Variants in FCER2 observed in about 807,000 individuals in gnomAD.
The protein encoded by FCER2 is low affinity immunoglobulin epsilon Fc receptor.
A neutral mutation model predicts 49.7 loss-of-function variants in FCER2; 38 were observed. The observed-to-expected ratio is 0.76, with a 90% confidence interval of 0.59 to 1.00. FCER2 has a LOEUF of 1.00. Among genes scored for constraint, FCER2 ranks in the 50% least tolerant of loss-of-function variants. FCER2 has a pLI of 0.00. For synonymous variants in FCER2, 163 were observed against 164.6 expected, an observed-to-expected ratio of 0.99 and a Z score of 0.07; for missense variants, 425 against 419.5, an observed-to-expected ratio of 1.01 and a Z score of -0.11.
chr19:7,699,708 T>C (rs755116276), intron 2 of FCER2, 31 bp downstream of exon 2: 1 of 1,610,020 alleles, frequency 6.2e-7, no homozygotes, highest in East Asian at 2.2e-5. Context: ...TCATTGCTTC[T>C]GCCAACGTTA....
intron 8 of FCER2, among the ~76,000 whole-genome samples, chr19:7,695,046 G>A (rs927982375): frequency 2.0e-4 from 31 of 152,076 alleles, no homozygotes; most frequent in African/African-American, 7.5e-4. Flanking sequence ...GTGTTGCCTA[G>A]GCTGGTCTCA....
At chr19:7,696,623 G>A (rs562448227) in intron 8 of FCER2, 200 of 588,084 alleles carry the variant, frequency 3.4e-4, no homozygotes, top group African/African-American at 3.3e-3. Flanking sequence ...TCCTATTTCC[G>A]TCATCACGCA....
intron 1 of FCER2, among the ~76,000 whole-genome samples, chr19:7,700,999 A>G (rs182223172): frequency 3.9e-5 from 6 of 152,024 alleles, no homozygotes; most frequent in African/African-American, 1.4e-4. Context: ...TAGTAGAGAC[A>G]GGGTTTCACC....
At chr19:7,692,477 AACC>A (rs1208364055) in intron 8 of FCER2, among the ~76,000 whole-genome samples, 1 of 151,982 alleles carries the variant, frequency 6.6e-6, no homozygotes, top group African/African-American at 2.4e-5. Context: ...TCAACACATC[AACC>A]ACCAACACCA....
chr19:7,698,370 C>G lies in FCER2; in HGVS notation c.176G>C (p.Arg59Thr). ...TTQSLKQLEE[R>T]AARNVSQVSK... ...CCCCTTCATACCGTTCCGGGCAGCC[C>G]TCTCTTCCAGCTGTTTTAGACTCTG... The change falls in exon 4 of 11, where the codon AGG (arginine) becomes ACG (threonine). Residue 59 changes from arginine (R) to threonine (T), a missense_variant. By Grantham distance (71) the Arg-to-Thr change is moderately conservative (BLOSUM62 -1). Coordinates refer to ENST00000597921, the MANE Select transcript of FCER2 (RefSeq NM_001220500.2). 1 of 1,612,536 alleles carries G rather than the reference C, an allele frequency of 6.2e-7. No individual in the cohort carries two copies.
intron 2 of FCER2, chr19:7,699,518 G>A: frequency 1.4e-6 from 2 of 1,403,694 alleles, no homozygotes; most frequent in Non-Finnish European, 1.9e-6. Flanking sequence ...TCAGGAGGGT[G>A]TTGAATCAGA....
rs1438109191 is a variant in FCER2 at position 7,690,476 on chromosome 19, C to A, written c.551G>T (p.Trp184Leu). The A allele has an allele frequency of 1.8e-5, 29 of 1,614,052 alleles. No homozygotes were observed. Among genetic ancestry groups the A allele is most frequent in the Non-Finnish European group, 2.4e-5 (28 of 1,180,008 alleles). Residue 184 changes from tryptophan (W) to leucine (L), a missense_variant, in exon 9 of 11, where the codon TGG becomes TTG. Transcript: ENST00000597921. Reference sequence around the variant, plus strand: ...GTCACAGGCATACCGGGCGTGGACCCACTGCTTGGTGCCCTTGCCGAAGTA... The same window carrying A: ...GTCACAGGCATACCGGGCGTGGACCAACTGCTTGGTGCCCTTGCCGAAGTA... ...CYYFGKGTKQ[W>L]VHARYACDDM...
chr19:7,694,905 G>C (rs2146274749), intron 8 of FCER2, among the ~76,000 whole-genome samples: 1 of 152,176 alleles, frequency 6.6e-6, no homozygotes, highest in African/African-American at 2.4e-5. Flanking sequence ...CTCAATCCTA[G>C]CTCACCGCAG....
At position 7,690,577 on chromosome 19, in the gene FCER2, C is replaced by T. The variant is rs370558495; in HGVS notation, c.470-20G>A. 14 of 1,610,820 alleles carry T rather than the reference C, an allele frequency of 8.7e-6. No individual in the cohort carries two copies. The highest frequency in any genetic ancestry group is 1.1e-5 in the South Asian group (1 of 90,702). ...CAAAGCCTGGGGTGGAGGAGAGGCT[C>T]GGGGGTGGGGCCAATGGAAGTGCCT... On this transcript the variant is annotated intron_variant, in intron 8 of 10. Coordinates refer to ENST00000597921, the MANE Select transcript of FCER2 (RefSeq NM_001220500.2).
chr19:7,696,201 G>A (rs546447829), intron 8 of FCER2, among the ~76,000 whole-genome samples: 2 of 152,180 alleles, frequency 1.3e-5, no homozygotes, highest in African/African-American at 4.8e-5. Context: ...CCGGGTTCAA[G>A]CAATTGTCCT....
rs201409747 is a variant in FCER2, at chr19:7,690,578, G to A, written c.470-21C>T. ...AAAGCCTGGGGTGGAGGAGAGGCTC[G>A]GGGGTGGGGCCAATGGAAGTGCCTT... On this transcript the variant is annotated intron_variant, in intron 8 of 10. Transcript: ENST00000597921. The A allele has an allele frequency of 2.7e-5, 43 of 1,610,588 alleles. No homozygotes were observed. The Middle Eastern group carries it at 6.6e-4, about 25-fold the overall frequency.
intron 8 of FCER2, among the ~76,000 whole-genome samples, chr19:7,695,479 G>GA (rs2032986277): frequency 6.6e-6 from 1 of 152,162 alleles, no homozygotes; most frequent in South Asian, 2.1e-4. Context: ...GACACAGTTG[G>GA]AATCAGAAAG....
rs570848869 is a variant in FCER2 at position 7,692,328 on chromosome 19, A to T, written c.470-1771T>A. 4.3e-3 allele frequency among the ~76,000 whole-genome samples: 588 copies of T among 136,742 alleles called. 3 individuals are homozygous for T. Among genetic ancestry groups the T allele is most frequent in the Non-Finnish European group, 6.0e-3 (387 of 64,186 alleles). The allele number at this position is 136,742 out of a possible 152,430, so 89.7% of individuals were successfully genotyped here. ...CACGAATACATTCACGTCCAACAACACATCAACTACCAACACCATCACCAC... is the reference window on the plus strand; with the variant it reads ...CACGAATACATTCACGTCCAACAACTCATCAACTACCAACACCATCACCAC... On this transcript the variant is annotated intron_variant, in intron 8 of 10. Coordinates refer to ENST00000597921, the MANE Select transcript of FCER2 (RefSeq NM_001220500.2).
At position 7,689,345 on chromosome 19, in the gene FCER2, A is replaced by C; in HGVS notation, c.814T>G (p.Phe272Val). 6.2e-7 allele frequency: 1 copy of C among 1,612,124 alleles called. No homozygotes were observed. The highest frequency in any genetic ancestry group is 8.5e-7 in the Non-Finnish European group (1 of 1,179,428). ...MRGSGRWNDA[F>V]CDRKLGAWVC... ...CAGGCGCCCAGCTTACGGTCGCAGA[A>C]GGCGTCGTTCCAGCGACCGGAGCCC... The change falls in exon 11 of 11, where the codon TTC becomes GTC. Residue 272 changes from phenylalanine (F) to valine (V), a missense_variant. Transcript: ENST00000597921.
intron 4 of FCER2, among the ~76,000 whole-genome samples, chr19:7,697,968 C>T (rs543774149): frequency 1.2e-4 from 19 of 152,256 alleles, no homozygotes; most frequent in African/African-American, 4.6e-4. Flanking sequence ...AATGGCTCAA[C>T]TTACAATAGC....
rs548023601 is a variant in FCER2 at position 7,689,359 on chromosome 19, C to T, written c.800G>A (p.Arg267His). Residue 267 changes from arginine (R) to histidine (H), a missense_variant, in exon 11 of 11, where the codon CGC becomes CAC. Arg to His is a conservative substitution (Grantham distance 29). Transcript: ENST00000597921. ...EDCVMMRGSG[R>H]WNDAFCDRKL... ...ACGGTCGCAGAAGGCGTCGTTCCAG[C>T]GACCGGAGCCCCGCATCATCACGCA... 1.2e-5 allele frequency: 20 copies of T among 1,610,236 alleles called. No homozygotes were observed. Among genetic ancestry groups the T allele is most frequent in the South Asian group, 7.7e-5 (7 of 90,600 alleles).
At position 7,688,929 on chromosome 19, in the gene FCER2, G is replaced by C. The variant is rs72558005; in HGVS notation, c.*264C>G. On this transcript the variant is annotated 3_prime_UTR_variant, in exon 11 of 11. Coordinates refer to ENST00000597921, the MANE Select transcript of FCER2 (RefSeq NM_001220500.2). ...TGTACTCTCATCTGGAGAGGGTGCTGTTGGGGTGTACTCTCATCTGGAGAG... is the reference window on the plus strand; with the variant it reads ...TGTACTCTCATCTGGAGAGGGTGCTCTTGGGGTGTACTCTCATCTGGAGAG... 7,098 of 508,386 alleles carry C rather than the reference G, an allele frequency of 0.014. 453 individuals carry two copies. Among genetic ancestry groups the C allele is most frequent in the African/African-American group, 0.13 (6,455 of 51,374 alleles). The allele number at this position is 508,386 out of a possible 1,614,324, so 31.5% of individuals were successfully genotyped here. A position where few individuals can be genotyped will look rare whatever the true frequency, so the allele number is the denominator to read the frequency against.
rs377637515 is a variant in FCER2 at position 7,697,078 on chromosome 19, G to A, written c.317-3C>T. 59 of 1,613,398 alleles carry A rather than the reference G, an allele frequency of 3.7e-5. No homozygotes were observed. The highest frequency in any genetic ancestry group is 4.9e-5 in the Non-Finnish European group (58 of 1,179,714). Reference sequence around the variant, plus strand: ...CAGGTTCCAGGACAGCTCCAAGTCTGGTGTGTGCAGGAGCGCAGGGCTGGT... The same window carrying A: ...CAGGTTCCAGGACAGCTCCAAGTCTAGTGTGTGCAGGAGCGCAGGGCTGGT... On this transcript the variant is annotated splice_region_variant and splice_polypyrimidine_tract_variant and intron_variant, in intron 6 of 10. Coordinates refer to ENST00000597921, the MANE Select transcript of FCER2 (RefSeq NM_001220500.2).
intron 8 of FCER2, among the ~76,000 whole-genome samples, chr19:7,694,375 AAAC>A (rs1252716895): frequency 2.0e-5 from 3 of 152,138 alleles, no homozygotes; most frequent in African/African-American, 7.2e-5. Context: ...TGAACAACAA[AAAC>A]AACAACGACA....
Sources: gnomAD v4.1 joint callset for allele counts (sites outside exome capture counted in the v4.1 genomes callset) on GRCh38, gnomAD v4.1.1 for gene constraint, MANE v1.5 for transcripts, NCBI Gene and HGNC (gene_info 2026-07-23, HGNC 2026-07-21) for gene names.